Variants in LAMB2 observed in about 807,000 individuals in gnomAD.
LAMB2 encodes the protein laminin subunit beta 2, also known as laminin subunit beta-2.
LAMB2 carries 119 observed loss-of-function variants against 202.7 expected under a neutral mutation model. The observed-to-expected ratio is 0.59, with a 90% CI of 0.51 to 0.68. The LOEUF (loss-of-function observed/expected upper bound fraction) is 0.68. Ranked by LOEUF, LAMB2 falls within the 30% of genes least tolerant of loss-of-function variation. The pLI, the probability that LAMB2 is intolerant of heterozygous loss-of-function variation, is 0.00. For synonymous variants in LAMB2, 818 were observed against 902.2 expected (o/e 0.91, Z 1.67); for missense variants, 2,124 against 2,410.6 (o/e 0.88, Z 2.49).
chr3:49,131,301 C>T lies in LAMB2; in HGVS notation c.712+78G>A. 5 of 1,545,394 alleles carry T rather than the reference C, an allele frequency of 3.2e-6. No homozygotes were observed. The highest frequency in any genetic ancestry group is 4.6e-5 in the East Asian group (2 of 43,652). ...GGCTTGGCACCTGCCCTAGGAAGCA[C>T]CCAAAATAGTTACTGAGGCCCCAAA... is the stretch of plus-strand genomic sequence containing the variant. On this transcript the variant is annotated intron_variant, in intron 6 of 31. Transcript: ENST00000305544. The surrounding 1 kb of genome is among the most constrained non-coding windows in gnomAD (Gnocchi z 5.0).
rs778631081 is a variant in LAMB2, at chr3:49,129,676, A to T, written c.1446T>A (p.Thr482=). The T allele has an allele frequency of 6.2e-7, 1 of 1,614,008 alleles. No individual in the cohort carries two copies. Among genetic ancestry groups the T allele is most frequent in the African/African-American group, 1.3e-5 (1 of 74,930 alleles). ...AGGATCCACTGTTGGGGTCACAAGGAGTGCTCCCAGGCACTGTGCCCCGTG... is the reference window on the plus strand; with the variant it reads ...AGGATCCACTGTTGGGGTCACAAGGTGTGCTCCCAGGCACTGTGCCCCGTG... The part of the protein sequence containing the change: ...CNARGTVPGS[T]PCDPNSGSCY... The change falls in exon 11 of 32, where the codon ACT becomes ACA. Residue 482 remains threonine, a synonymous_variant. Coordinates refer to ENST00000305544, the MANE Select transcript of LAMB2 (RefSeq NM_002292.4). This position sits in a 1 kb window ranked among gnomAD's most constrained non-coding sequence, Gnocchi z 6.1.
rs372230106 is a variant in LAMB2, at chr3:49,123,783, G to A, written c.3742C>T (p.Arg1248Cys). 1.2e-5 allele frequency: 19 copies of A among 1,613,186 alleles called. No homozygotes were observed. The highest frequency in any genetic ancestry group is 6.7e-5 in the African/African-American group (5 of 74,928). The change falls in exon 24 of 32, where the codon CGC becomes TGC. Residue 1248 changes from arginine (R) to cysteine (C), a missense_variant. This residue lies in a region of LAMB2 where 1,702 missense variants were observed against 1,896.3 expected (regional missense o/e 0.90). Coordinates refer to ENST00000305544, the MANE Select transcript of LAMB2 (RefSeq NM_002292.4). ...LGIVQGIVGA[R>C]NTSAASTAQL... ...GCAGTGGAGGCGGCTGAGGTGTTGC[G>A]GGCACCTACGATGCCCTGCACAATG...
chr3:49,124,545 A>G lies in LAMB2; in HGVS notation c.3177T>C (p.Asp1059=), dbSNP rs2107638694. The change falls in exon 22 of 32, where the codon GAT becomes GAC. Residue 1059 remains aspartate (D), a synonymous_variant. Coordinates refer to ENST00000305544, the MANE Select transcript of LAMB2 (RefSeq NM_002292.4). The part of the protein sequence containing the change: ...QCPSPDQCHC[D]PSSGQCPCLP... Reference sequence around the variant, plus strand: ...GGCATGGGCACTGCCCACTGCTTGGATCACAGTGGCACTGGTCAGGAGATG... The same window carrying G: ...GGCATGGGCACTGCCCACTGCTTGGGTCACAGTGGCACTGGTCAGGAGATG... The G allele has an allele frequency of 2.5e-6, 4 of 1,613,810 alleles. No homozygotes were observed. Among genetic ancestry groups the G allele is most frequent in the South Asian group, 1.1e-5 (1 of 91,082 alleles).
At chr3:49,126,615 GGGTT>G in intron 15 of LAMB2, 118 bp from the exon 16 acceptor site, 1 of 1,326,584 alleles carries the variant, frequency 7.5e-7, no homozygotes, top group South Asian at 1.3e-5. Flanking sequence ...GACTATGGCT[GGGTT>G]GCGTTGGGCT....
In LAMB2 at chr3:49,125,751, A is replaced by C. The variant is rs1345986613; in HGVS notation, c.2484T>G (p.Cys828Trp). The change falls in exon 18 of 32, where the codon TGT (cysteine) becomes TGG (tryptophan). Residue 828 changes from cysteine (C) to tryptophan (W), a missense_variant. Around this residue, in one of 3 missense-constraint regions of LAMB2, gnomAD observed 1,702 missense variants for 1,896.3 expected, o/e 0.90. Coordinates refer to ENST00000305544, the MANE Select transcript of LAMB2 (RefSeq NM_002292.4). ...PGYYGFGPTG[C>W]QACQCSHEGA... ...GAACAAGGGGCAGAAGAGTACCTTG[A>C]CAGCCTGTGGGGCCAAAGCCATAGT... is the stretch of plus-strand genomic sequence containing the variant. 6.2e-7 allele frequency: 1 copy of C among 1,613,828 alleles called. No homozygotes were observed. Among genetic ancestry groups the C allele is most frequent in the African/African-American group, 1.3e-5 (1 of 74,906 alleles).
intron 15 of LAMB2, among the ~76,000 whole-genome samples, chr3:49,127,786 C>T (rs1575534664): frequency 6.6e-6 from 1 of 151,414 alleles, no homozygotes; most frequent in African/African-American, 2.4e-5. Context: ...TTTGGGAGGC[C>T]AAGGCGGGCA....
chr3:49,128,380 T>A, intron 15 of LAMB2, 78 bp downstream of exon 15: 1 of 1,551,958 alleles, frequency 6.4e-7, no homozygotes, highest in Admixed American at 1.8e-5. Flanking sequence ...CTGTGGGGTC[T>A]TCCAGGTGCC....
In LAMB2 at chr3:49,129,917, GT is replaced by G; in HGVS notation, c.1326del (p.Glu442AspfsTer55). 6.2e-7 allele frequency: 1 copy of G among 1,614,062 alleles called. No homozygotes were observed. The highest frequency in any genetic ancestry group is 8.5e-7 in the Non-Finnish European group (1 of 1,180,042). On this transcript the variant is annotated frameshift_variant, in exon 10 of 32. Coordinates refer to ENST00000305544, the MANE Select transcript of LAMB2 (RefSeq NM_002292.4). LOFTEE classifies it high-confidence loss of function. The surrounding 1 kb of genome is among the most constrained non-coding windows in gnomAD (Gnocchi z 6.1). ...TGCTGGCAGCGAGTGCCCACCACAT[GT>G]TCTTTGCAGCGACACTGGCCGGAGA... The part of the protein sequence containing the change: ...GLVSGQCRCK[E>X]HVVGTRCQQC...
Position 49,122,231 on chromosome 3 carries a change from C to T in LAMB2, c.4713G>A (p.Ala1571=), listed in dbSNP as rs1022902714. The T allele has an allele frequency of 1.3e-5, 21 of 1,613,358 alleles. No homozygotes were observed. The highest frequency in any genetic ancestry group is 3.3e-5 in the Admixed American group (2 of 60,008). ...CATCTCCTACAGTACGTGCCAGGAT[C>T]GCATCCACATCTGCCAGGCTCCGGA... is the stretch of plus-strand genomic sequence containing the variant. ...ERVRSLADVD[A]ILARTVGDVR... Residue 1571 remains alanine, a synonymous_variant, in exon 28 of 32, where the codon GCG becomes GCA. Transcript: ENST00000305544.
At position 49,124,437 on chromosome 3, in the gene LAMB2, A is replaced by G; in HGVS notation, c.3285T>C (p.Cys1095=). The change falls in exon 22 of 32, where the codon TGT becomes TGC. Residue 1095 remains cysteine, a synonymous_variant. Transcript: ENST00000305544. Reference sequence around the variant, plus strand: ...CTCTGGCCCGGCTTGGGTGGCAGGCACAAGGCTGGCAACCATGGCCACTGG... The same window carrying G: ...CTCTGGCCCGGCTTGGGTGGCAGGCGCAAGGCTGGCAACCATGGCCACTGG... ...NLTSGHGCQP[C]ACHPSRARGP... The G allele has an allele frequency of 6.2e-7, 1 of 1,613,656 alleles. No individual in the cohort carries two copies. Among genetic ancestry groups the G allele is most frequent in the South Asian group, 1.1e-5 (1 of 91,086 alleles).
At chr3:49,122,556 TATGGGCA>T (rs2045342269) in intron 27 of LAMB2, 141 bp downstream of exon 27, 1 of 919,386 alleles carries the variant, frequency 1.1e-6, no homozygotes, top group Middle Eastern at 2.3e-4. Context: ...TGGGACCACA[TATGGGCA>T]ATAACTCAGG....
In LAMB2 at chr3:49,131,075, T is replaced by C; in HGVS notation, c.790A>G (p.Arg264Gly). 6.2e-7 allele frequency: 1 copy of C among 1,613,812 alleles called. No homozygotes were observed. The highest frequency in any genetic ancestry group is 8.5e-7 in the Non-Finnish European group (1 of 1,180,010). Residue 264 changes from arginine to glycine, a missense_variant, in exon 7 of 32, where the codon AGG becomes GGG. By Grantham distance (125) the Arg-to-Gly change is moderately radical. Around this residue, in one of 3 missense-constraint regions of LAMB2, gnomAD observed 256 missense variants for 356.1 expected, o/e 0.72. Transcript: ENST00000305544. The surrounding 1 kb of genome is among the most constrained non-coding windows in gnomAD (Gnocchi z 5.0). Reference sequence around the variant, plus strand: ...TAGTAGTACTTCTCTCGGATCTCCCTCCGTGGGTCGAGTAGGTTGTCTCCC... The same window carrying C: ...TAGTAGTACTTCTCTCGGATCTCCCCCCGTGGGTCGAGTAGGTTGTCTCCC... ...TLGDNLLDPRREIREKYYYAL... is the reference protein window; with the variant it reads ...TLGDNLLDPRGEIREKYYYAL...
Position 49,130,782 on chromosome 3 carries a change from G to A in LAMB2, c.994C>T (p.Pro332Ser). ...TGGCCGTCCTCAGCCGGACGCCAGG[G>A]CAGGTCACGATAGAAATCCTGACAC... ...EQCQDFYRDLPWRPAEDGHSH... is the reference protein window; with the variant it reads ...EQCQDFYRDLSWRPAEDGHSH... The change falls in exon 8 of 32, where the codon CCC (proline) becomes TCC (serine). Residue 332 changes from proline (P) to serine (S), a missense_variant. Around this residue, in one of 3 missense-constraint regions of LAMB2, gnomAD observed 256 missense variants for 356.1 expected, o/e 0.72. Coordinates refer to ENST00000305544, the MANE Select transcript of LAMB2 (RefSeq NM_002292.4). The surrounding 1 kb of genome is among the most constrained non-coding windows in gnomAD (Gnocchi z 5.0). 1.2e-6 allele frequency: 2 copies of A among 1,614,180 alleles called. No homozygotes were observed. Among genetic ancestry groups the A allele is most frequent in the African/African-American group, 1.3e-5 (1 of 75,060 alleles).
rs1268541922 is a variant in LAMB2 at position 49,123,185 on chromosome 3, C to G, written c.4171G>C (p.Gly1391Arg). 9.3e-6 allele frequency: 15 copies of G among 1,613,826 alleles called. No homozygotes were observed. The highest frequency in any genetic ancestry group is 1.3e-5 in the Non-Finnish European group (15 of 1,180,054). ...GTGTGGGTATGGGCAGAGAGCTTGC[C>G]AAGTGCCCGCTGGTTGGCCATGTGT... ...SKHMANQRALGKLSAHTHTLS... is the reference protein window; with the variant it reads ...SKHMANQRALRKLSAHTHTLS... The change falls in exon 26 of 32, where the codon GGC becomes CGC. Residue 1391 changes from glycine to arginine, a missense_variant. Transcript: ENST00000305544.
Position 49,125,140 on chromosome 3 carries a change from C to A in LAMB2, c.2750G>T (p.Arg917Leu). 2 of 1,613,566 alleles carry A rather than the reference C, an allele frequency of 1.2e-6. No individual in the cohort carries two copies. The highest frequency in any genetic ancestry group is 2.7e-5 in the African/African-American group (2 of 75,058). The change falls in exon 20 of 32, where the codon CGG becomes CTG. Residue 917 changes from arginine (R) to leucine (L), a missense_variant. Coordinates refer to ENST00000305544, the MANE Select transcript of LAMB2 (RefSeq NM_002292.4). ...RCIAGFHGDP[R>L]LPYGGQCRPC... Reference sequence around the variant, plus strand: ...CCGGCACTGGCCCCCATATGGCAGCCGTGGGTCCCCGTGGAAACCAGCAAT... The same window carrying A: ...CCGGCACTGGCCCCCATATGGCAGCAGTGGGTCCCCGTGGAAACCAGCAAT...
rs146962414 is a variant in LAMB2, at chr3:49,125,036, T to A, written c.2854A>T (p.Ile952Phe). The change falls in exon 20 of 32, where the codon ATT (isoleucine) becomes TTT (phenylalanine). Residue 952 changes from isoleucine to phenylalanine, a missense_variant. Transcript: ENST00000305544. ...SCHQDEYSQQ[I>F]VCHCRAGYTG... is the part of the protein sequence containing the mutation. ...TAGCCTGCCCGGCAGTGGCACACAA[T>A]CTGCTGGGAATATTCATCCTGGTGG... The A allele has an allele frequency of 8.7e-5, 140 of 1,613,880 alleles. 1 individual carries two copies. The African/African-American group carries it at 1.5e-3, about 18-fold the overall frequency.
Position 49,122,251 on chromosome 3 carries a change from T to G in LAMB2, c.4693A>C (p.Ser1565Arg). 6.2e-7 allele frequency: 1 copy of G among 1,613,454 alleles called. No individual in the cohort carries two copies. The highest frequency in any genetic ancestry group is 8.5e-7 in the Non-Finnish European group (1 of 1,180,036). The change falls in exon 28 of 32, where the codon AGC becomes CGC. Residue 1565 changes from serine to arginine, a missense_variant. Physicochemically the swap from Ser to Arg is moderately radical, Grantham distance 110. Around this residue, in one of 3 missense-constraint regions of LAMB2, gnomAD observed 1,702 missense variants for 1,896.3 expected, o/e 0.90. Coordinates refer to ENST00000305544, the MANE Select transcript of LAMB2 (RefSeq NM_002292.4). ...LAGAIAERVR[S>R]LADVDAILAR... is the part of the protein sequence containing the mutation. The stretch of plus-strand genomic sequence containing the variant: ...AGGATCGCATCCACATCTGCCAGGC[T>G]CCGGACTCGCTCTGCAATCGCACCC...
At position 49,130,114 on chromosome 3, in the gene LAMB2, G is replaced by A; in HGVS notation, c.1226-96C>T. 1 of 1,567,920 alleles carries A rather than the reference G, an allele frequency of 6.4e-7. No individual in the cohort carries two copies. Among genetic ancestry groups the A allele is most frequent in the Non-Finnish European group, 8.8e-7 (1 of 1,139,372 alleles). On this transcript the variant is annotated intron_variant, in intron 9 of 31. Transcript: ENST00000305544. This position sits in a 1 kb window ranked among gnomAD's most constrained non-coding sequence, Gnocchi z 5.0. ...CTAAGGGATCCCACCCTGGATCCCT[G>A]GTCAAGTTCTATCCCAAGCCCCTAA...
At position 49,121,350 on chromosome 3, in the gene LAMB2, G is replaced by C. The variant is rs773060617; in HGVS notation, c.5273C>G (p.Thr1758Ser). The part of the protein sequence containing the change: ...KLQRLQELEG[T>S]YEENERALES... ...CAGTGCCCGCTCATTTTCCTCATAG[G>C]TGCCTTCCAATTCTAGGAAGGGCAG... is the stretch of plus-strand genomic sequence containing the variant. The change falls in exon 32 of 32, where the codon ACC becomes AGC. Residue 1758 changes from threonine (T) to serine (S), a missense_variant. Thr to Ser is a moderately conservative substitution (Grantham distance 58). Coordinates refer to ENST00000305544, the MANE Select transcript of LAMB2 (RefSeq NM_002292.4). 6 of 1,613,982 alleles carry C rather than the reference G, an allele frequency of 3.7e-6. No homozygotes were observed. Among genetic ancestry groups the C allele is most frequent in the Non-Finnish European group, 5.1e-6 (6 of 1,179,976 alleles).
Sources: gnomAD v4.1 joint callset for allele counts (sites outside exome capture counted in the v4.1 genomes callset) on GRCh38, gnomAD v4.1.1 for gene constraint, gnomAD v4.1.1 regional missense constraint, Gnocchi (gnomAD v3.1) non-coding constraint, MANE v1.5 for transcripts, NCBI Gene and HGNC (gene_info 2026-07-23, HGNC 2026-07-21) for gene names.